ADCK2: variants seen among roughly 807,000 people sequenced by gnomAD.
ADCK2 encodes the protein aarF domain containing kinase 2, also known as uncharacterized aarF domain-containing protein kinase 2.
ADCK2 carries 37 observed loss-of-function variants against 52.3 expected under a neutral mutation model. The observed-to-expected ratio is 0.71, with a 90% CI of 0.54 to 0.93. The LOEUF is 0.93. Ranked by LOEUF, ADCK2 falls within the 40% of genes least tolerant of loss-of-function variation. The pLI is 0.00. For missense variants in ADCK2, 695 were observed against 798.7 expected, an observed-to-expected ratio of 0.87 and a Z score of 1.56; for synonymous variants, 321 against 349.2, an observed-to-expected ratio of 0.92 and a Z score of 0.90.
Position 140,674,403 on chromosome 7 carries a change from T to C in ADCK2, c.933+140T>C. On this transcript the variant is annotated intron_variant, in intron 1 of 7. Transcript: ENST00000072869. The surrounding 1 kb of genome is among the most constrained non-coding windows in gnomAD (Gnocchi z 4.6). Reference sequence around the variant, plus strand: ...TGCTTATTTCATGCAAGCTGTTTCATTTATTGGCTTGAAGTGGCGGTGTGA... The same window carrying C: ...TGCTTATTTCATGCAAGCTGTTTCACTTATTGGCTTGAAGTGGCGGTGTGA... The C allele has an allele frequency of 8.7e-7, 1 of 1,152,304 alleles. No homozygotes were observed. Among genetic ancestry groups the C allele is most frequent in the Non-Finnish European group, 1.2e-6 (1 of 835,884 alleles). 71.4% of individuals were successfully genotyped at this position (1,152,304 alleles called of 1,614,324 possible).
intron 4 of ADCK2, among the ~76,000 whole-genome samples, chr7:140,682,155 C>T (rs1319012030): frequency 6.6e-6 from 1 of 152,182 alleles, no homozygotes; most frequent in Non-Finnish European, 1.5e-5. Context: ...TTACAATGCT[C>T]GTGACATACT....
At position 140,687,037 on chromosome 7, in the gene ADCK2, C is replaced by T. The variant is rs1213869538; in HGVS notation, c.1353C>T (p.Ile451=). Residue 451 remains isoleucine, a synonymous_variant, in exon 5 of 8, where the codon ATC becomes ATT. Transcript: ENST00000072869. ...ATGCAGACCTTCACCCTGGAAACAT[C>T]CTGGTTCAGGGTGCCAACGGCCTGT... ...FVHADLHPGN[I]LVQGANGLSS... 2 of 1,614,020 alleles carry T rather than the reference C, an allele frequency of 1.2e-6. No individual in the cohort carries two copies. Among genetic ancestry groups the T allele is most frequent in the Non-Finnish European group, 8.5e-7 (1 of 1,180,038 alleles).
At chr7:140,676,864 A>C (rs1794427516) in intron 2 of ADCK2, among the ~76,000 whole-genome samples, 1 of 152,154 alleles carries the variant, frequency 6.6e-6, no homozygotes, top group Non-Finnish European at 1.5e-5. Flanking sequence ...TCTACCAAAA[A>C]TACAAAAAAT....
chr7:140,682,440 G>T (rs1292470449), intron 4 of ADCK2, among the ~76,000 whole-genome samples: 1 of 152,144 alleles, frequency 6.6e-6, no homozygotes, highest in East Asian at 1.9e-4. Context: ...AAGAGAGTTT[G>T]AAGGAGGGGG....
rs536719789 is a variant in ADCK2, at chr7:140,676,159, G to A, written c.1080+1402G>A. On this transcript the variant is annotated intron_variant, in intron 2 of 7. Transcript: ENST00000072869. Reference sequence around the variant, plus strand: ...AGATCAAGGCATCGGCAGATTCGATGTCTGGTGAGGCCCCACTTTCTGGTT... The same window carrying A: ...AGATCAAGGCATCGGCAGATTCGATATCTGGTGAGGCCCCACTTTCTGGTT... Among the ~76,000 whole-genome samples the A allele has an allele frequency of 1.4e-4, 21 of 152,326 alleles. No homozygotes were observed. The South Asian group carries it at 4.1e-3, about 30-fold the overall frequency.
chr7:140,686,023 A>C (rs1397718969), intron 4 of ADCK2, among the ~76,000 whole-genome samples: 1 of 152,214 alleles, frequency 6.6e-6, no homozygotes, highest in South Asian at 2.1e-4. Context: ...CTCTGTGTGC[A>C]TGTGGCTGCT....
intron 2 of ADCK2, among the ~76,000 whole-genome samples, chr7:140,677,144 A>G (rs1210495660): frequency 6.6e-6 from 1 of 152,150 alleles, no homozygotes; most frequent in Non-Finnish European, 1.5e-5. Context: ...GCCGTGGCTC[A>G]CACCTGTAGT....
rs1251143461 is a variant in ADCK2, at chr7:140,678,248, A to G, written c.1081-907A>G. Among the ~76,000 whole-genome samples the G allele has an allele frequency of 6.6e-6, 1 of 152,096 alleles. No homozygotes were observed. Among genetic ancestry groups the G allele is most frequent in the Non-Finnish European group, 1.5e-5 (1 of 68,016 alleles). On this transcript the variant is annotated intron_variant, in intron 2 of 7. Coordinates refer to ENST00000072869, the MANE Select transcript of ADCK2 (RefSeq NM_052853.4). This position sits in a 1 kb window ranked among gnomAD's most constrained non-coding sequence, Gnocchi z 4.9. ...TTGCTGTGCACGGAGGGGAAGAGAG[A>G]AGGCATGATCTGGGGACTCAAAGGT...
At chr7:140,677,482 T>C (rs1430233144) in intron 2 of ADCK2, among the ~76,000 whole-genome samples, 2 of 152,162 alleles carry the variant, frequency 1.3e-5, no homozygotes, top group African/African-American at 4.8e-5. Context: ...AAAAATGTAG[T>C]TAGGTCTGTG....
intron 2 of ADCK2, among the ~76,000 whole-genome samples, chr7:140,675,193 A>G (rs1222670414): frequency 6.6e-6 from 1 of 152,222 alleles, no homozygotes; most frequent in Admixed American, 6.5e-5. Context: ...GTGAGATGAC[A>G]TCATGCCACT....
chr7:140,674,848 G>A lies in ADCK2; in HGVS notation c.1080+91G>A. On this transcript the variant is annotated intron_variant, in intron 2 of 7. Coordinates refer to ENST00000072869, the MANE Select transcript of ADCK2 (RefSeq NM_052853.4). The surrounding 1 kb of genome is among the most constrained non-coding windows in gnomAD (Gnocchi z 4.6). ...GTAAATGTTGAATGAATAATTTTCTGGTATGTCATAACTCATGTGATGTGT... is the reference window on the plus strand; with the variant it reads ...GTAAATGTTGAATGAATAATTTTCTAGTATGTCATAACTCATGTGATGTGT... 1 of 1,443,534 alleles carries A rather than the reference G, an allele frequency of 6.9e-7. No homozygotes were observed. The allele number at this position is 1,443,534 out of a possible 1,614,324, so 89.4% of individuals were successfully genotyped here. A position where few individuals can be genotyped will look rare whatever the true frequency, so the allele number is the denominator to read the frequency against.
At chr7:140,689,898 AG>A (rs1794675512) in intron 6 of ADCK2, among the ~76,000 whole-genome samples, 173 bp downstream of exon 6, 1 of 152,070 alleles carries the variant, frequency 6.6e-6, no homozygotes, top group African/African-American at 2.4e-5. Flanking sequence ...GTTGTGCTCA[AG>A]GGGGCCTCCT....
chr7:140,673,629 G>A lies in ADCK2; in HGVS notation c.299G>A (p.Trp100Ter). The A allele has an allele frequency of 6.2e-7, 1 of 1,609,826 alleles. No homozygotes were observed. The highest frequency in any genetic ancestry group is 8.5e-7 in the Non-Finnish European group (1 of 1,179,964). The change falls in exon 1 of 8, where the codon TGG (tryptophan) becomes TAG (stop). Residue 100 changes from tryptophan (W) to a stop codon, truncating the protein, a stop_gained. Transcript: ENST00000072869. LOFTEE classifies it high-confidence loss of function. The surrounding 1 kb of genome is among the most constrained non-coding windows in gnomAD (Gnocchi z 6.4). ...LGGVFLHLRL[W>*]LRAGALLVKF... ...GGCGTCTTCCTGCATCTCCGCCTCT[G>A]GCTTCGCGCCGGCGCTCTGTTGGTG...
chr7:140,687,773 G>C (rs1046440004), intron 5 of ADCK2, among the ~76,000 whole-genome samples: 4 of 151,976 alleles, frequency 2.6e-5, no homozygotes, highest in African/African-American at 7.2e-5. Flanking sequence ...AGCTACTTGG[G>C]AGGCTGAGGT....
In ADCK2 at chr7:140,679,254, A is replaced by G; in HGVS notation, c.1180A>G (p.Thr394Ala). ...KFPTPLRPFVTREVLVETYEE... is the reference protein window; with the variant it reads ...KFPTPLRPFVAREVLVETYEE... ...CCCCACCCCTCTGCGCCCCTTTGTC[A>G]CCAGAGAAGTCTTGGTGGAAACGTA... The change falls in exon 3 of 8, where the codon ACC becomes GCC. Residue 394 changes from threonine to alanine, a missense_variant. Physicochemically the swap from Thr to Ala is moderately conservative, Grantham distance 58. Coordinates refer to ENST00000072869, the MANE Select transcript of ADCK2 (RefSeq NM_052853.4). 1 of 1,612,972 alleles carries G rather than the reference A, an allele frequency of 6.2e-7. No individual in the cohort carries two copies. Among genetic ancestry groups the G allele is most frequent in the Non-Finnish European group, 8.5e-7 (1 of 1,179,790 alleles).
At chr7:140,686,159 A>G (rs1346071703) in intron 4 of ADCK2, among the ~76,000 whole-genome samples, 2 of 152,258 alleles carry the variant, frequency 1.3e-5, no homozygotes, top group African/African-American at 4.8e-5. Flanking sequence ...GGTTTGGGGA[A>G]AATCTTTAAT....
rs568251108 is a variant in ADCK2, at chr7:140,681,149, G to A, written c.1305+12G>A. ...TGCTCCTGAAGATGGTGAGCTCATG[G>A]CTGGAGCGGGCTCAGGCCCAGCATG... On this transcript the variant is annotated intron_variant, in intron 4 of 7. Coordinates refer to ENST00000072869, the MANE Select transcript of ADCK2 (RefSeq NM_052853.4). 3.1e-6 allele frequency: 5 copies of A among 1,613,500 alleles called. No individual in the cohort carries two copies. Among genetic ancestry groups the A allele is most frequent in the Non-Finnish European group, 4.2e-6 (5 of 1,179,636 alleles).
intron 4 of ADCK2, among the ~76,000 whole-genome samples, chr7:140,686,549 G>A (rs1794607778): frequency 6.6e-6 from 1 of 152,088 alleles, no homozygotes; most frequent in African/African-American, 2.4e-5. Flanking sequence ...CCAAAGTGTT[G>A]GATTATAGGC....
Position 140,679,263 on chromosome 7 carries a change from G to C in ADCK2, c.1189G>C (p.Val397Leu), listed in dbSNP as rs750061930. Residue 397 changes from valine to leucine, a missense_variant, in exon 3 of 8, where the codon GTC (valine) becomes CTC (leucine). Coordinates refer to ENST00000072869, the MANE Select transcript of ADCK2 (RefSeq NM_052853.4). ...TPLRPFVTRE[V>L]LVETYEESVP... Reference sequence around the variant, plus strand: ...TCTGCGCCCCTTTGTCACCAGAGAAGTCTTGGTGGAAACGTATGAAGTAAG... The same window carrying C: ...TCTGCGCCCCTTTGTCACCAGAGAACTCTTGGTGGAAACGTATGAAGTAAG... The C allele has an allele frequency of 1.2e-6, 2 of 1,614,016 alleles. No individual in the cohort carries two copies. Among genetic ancestry groups the C allele is most frequent in the Non-Finnish European group, 1.7e-6 (2 of 1,179,950 alleles).
Sources: gnomAD v4.1 joint callset for allele counts (sites outside exome capture counted in the v4.1 genomes callset) on GRCh38, gnomAD v4.1.1 for gene constraint, Gnocchi (gnomAD v3.1) non-coding constraint, MANE v1.5 for transcripts, NCBI Gene and HGNC (gene_info 2026-07-23, HGNC 2026-07-21) for gene names.